The following WDR3 variants were observed in gnomAD, a reference collection of about 807,000 sequenced individuals.
The protein encoded by WDR3 is WD repeat domain 3.
In WDR3, 81 loss-of-function variants were observed where a neutral mutation model predicts 123.7. The ratio of observed to expected loss-of-function variants is 0.65; its 90% confidence interval spans 0.55 to 0.79. The LOEUF (loss-of-function observed/expected upper bound fraction) is 0.79, where lower values mean the gene tolerates loss of function less well. Among genes scored for constraint, WDR3 ranks in the 30% least tolerant of loss-of-function variants. WDR3 has a pLI of 0.00. For synonymous variants in WDR3, 390 were observed against 388.8 expected (o/e 1.00, Z -0.04); for missense variants, 1,027 against 1,123.2 (o/e 0.91, Z 1.22).
chr1:117,935,204 G>T (rs765193088), intron 3 of WDR3, among the ~76,000 whole-genome samples: 2 of 152,170 alleles, frequency 1.3e-5, no homozygotes, highest in Non-Finnish European at 2.9e-5. Flanking sequence ...GTATTGAAAA[G>T]ATGGTAGTGT....
At position 117,941,854 on chromosome 1, in the gene WDR3, T is replaced by G. The variant is rs1369332980; in HGVS notation, c.989+7T>G. 1 of 1,603,280 alleles carries G rather than the reference T, an allele frequency of 6.2e-7. No individual in the cohort carries two copies. The highest frequency in any genetic ancestry group is 8.5e-7 in the Non-Finnish European group (1 of 1,176,764). ...AAGCTAGAAAGAAAGCAAAGTATGT[T>G]TTCTTAATACTTACATTAATAATGA... On this transcript the variant is annotated splice_region_variant and intron_variant, in intron 9 of 26. Coordinates refer to ENST00000349139, the MANE Select transcript of WDR3 (RefSeq NM_006784.3).
In WDR3 at chr1:117,949,988, G is replaced by T. The variant is rs770451204; in HGVS notation, c.1611-7G>T. The T allele has an allele frequency of 6.2e-7, 1 of 1,613,490 alleles. No homozygotes were observed. Among genetic ancestry groups the T allele is most frequent in the Non-Finnish European group, 8.5e-7 (1 of 1,179,822 alleles). ...TTATTTTTTCTTGATGTTTTTTGTG[G>T]TGCTAGACTTTCTGTGAAGCAAACC... On this transcript the variant is annotated splice_region_variant and splice_polypyrimidine_tract_variant and intron_variant, in intron 14 of 26. Transcript: ENST00000349139.
Position 117,961,166 on chromosome 1 carries a change from C to T in WDR3, c.*1719C>T, listed in dbSNP as rs1476824567. On this transcript the variant is annotated 3_prime_UTR_variant, in exon 27 of 27. Transcript: ENST00000349139. The stretch of plus-strand genomic sequence containing the variant: ...GGCGTGGTGGCAGGCGCTTGTAATC[C>T]CAGCTACTCAGGAGGCTGAGACAGG... 1 of 152,146 alleles carries T rather than the reference C, an allele frequency of 6.6e-6. No individual in the cohort carries two copies. Among genetic ancestry groups the T allele is most frequent in the African/African-American group, 2.4e-5 (1 of 41,410 alleles). 9.4% of individuals were successfully genotyped at this position (152,146 alleles called of 1,614,324 possible). A position where few individuals can be genotyped will look rare whatever the true frequency, so the allele number is the denominator to read the frequency against.
At chr1:117,940,771 A>G in intron 6 of WDR3, 56 bp from the exon 7 acceptor site, 3 of 1,436,274 alleles carry the variant, frequency 2.1e-6, no homozygotes, top group Non-Finnish European at 2.9e-6. Context: ...AACAACAACA[A>G]CATGCCTCCT....
chr1:117,950,831 T>A lies in WDR3; in HGVS notation c.1747-3T>A. The A allele has an allele frequency of 6.2e-7, 1 of 1,606,870 alleles. No homozygotes were observed. Among genetic ancestry groups the A allele is most frequent in the Middle Eastern group, 1.7e-4 (1 of 5,804 alleles). ...ACATTAATTATGTTTTTTTGATGTT[T>A]AGTTTTTTCTGTCACTGTATGGACA... On this transcript the variant is annotated splice_polypyrimidine_tract_variant and splice_region_variant and intron_variant, in intron 15 of 26. Coordinates refer to ENST00000349139, the MANE Select transcript of WDR3 (RefSeq NM_006784.3).
At chr1:117,941,712 A>C in intron 8 of WDR3, 38 bp from the exon 9 acceptor site, 2 of 1,586,038 alleles carry the variant, frequency 1.3e-6, no homozygotes, top group Non-Finnish European at 1.7e-6. Context: ...ATTACAAATT[A>C]CCTCTCCTTG....
chr1:117,950,124 T>G lies in WDR3; in HGVS notation c.1740T>G (p.Thr580=). Reference sequence around the variant, plus strand: ...CTGTGAAAATTTTCTACGTTGATACTTTAAAGGTACAGTGGTTATGCCTGC... The same window carrying G: ...CTGTGAAAATTTTCTACGTTGATACGTTAAAGGTACAGTGGTTATGCCTGC... ...DCTVKIFYVD[T]LKFFLSLYGH... Residue 580 remains threonine, a synonymous_variant, in exon 15 of 27, where the codon ACT becomes ACG. Transcript: ENST00000349139. The G allele has an allele frequency of 6.2e-7, 1 of 1,613,860 alleles. No homozygotes were observed. Among genetic ancestry groups the G allele is most frequent in the South Asian group, 1.1e-5 (1 of 91,040 alleles).
rs564122463 is a variant in WDR3, at chr1:117,933,598, G to A, written c.171+108G>A. 2.0e-5 allele frequency: 29 copies of A among 1,452,146 alleles called. No individual in the cohort carries two copies. In the South Asian group the frequency reaches 3.3e-4, roughly 16 times the overall value. 90.0% of individuals were successfully genotyped at this position (1,452,146 alleles called of 1,614,324 possible). On this transcript the variant is annotated intron_variant, in intron 2 of 26. Coordinates refer to ENST00000349139, the MANE Select transcript of WDR3 (RefSeq NM_006784.3). ...ATTTATCATGAGTTTTTTTGTGTCT[G>A]TGCCCTTAGAAGAAAAATCTTTTTC...
chr1:117,948,905 T>C (rs1463944430), intron 13 of WDR3, among the ~76,000 whole-genome samples: 1 of 152,164 alleles, frequency 6.6e-6, no homozygotes, highest in Non-Finnish European at 1.5e-5. Flanking sequence ...TCAATAAATA[T>C]GTGCTCACCT....
Position 117,950,867 on chromosome 1 carries a change from G to A in WDR3, c.1780G>A (p.Val594Ile). 1 of 1,609,350 alleles carries A rather than the reference G, an allele frequency of 6.2e-7. No homozygotes were observed. Among genetic ancestry groups the A allele is most frequent in the Non-Finnish European group, 8.5e-7 (1 of 1,178,630 alleles). The change falls in exon 16 of 27, where the codon GTT becomes ATT. Residue 594 changes from valine to isoleucine, a missense_variant. Transcript: ENST00000349139. ...FLSLYGHKLP[V>I]ICMDISHDGA... is the part of the protein sequence containing the mutation. ...GTCACTGTATGGACACAAACTGCCT[G>A]TTATATGCATGGACATCTCTCATGT...
Position 117,934,574 on chromosome 1 carries a change from C to T in WDR3, c.273C>T (p.Ile91=). The T allele has an allele frequency of 6.2e-7, 1 of 1,614,174 alleles. No individual in the cohort carries two copies. Among genetic ancestry groups the T allele is most frequent in the Non-Finnish European group, 8.5e-7 (1 of 1,180,012 alleles). The change falls in exon 3 of 27, where the codon ATC becomes ATT. Residue 91 remains isoleucine, a synonymous_variant. Transcript: ENST00000349139. ...GGTATGAGGATGGGTCGATCCGAAT[C>T]TTCAGTCTCCTGAGTGGGGAAGGAA... ...AVGYEDGSIR[I]FSLLSGEGNV...
intron 1 of WDR3, among the ~76,000 whole-genome samples, chr1:117,930,561 G>A (rs1347946383): frequency 1.3e-5 from 2 of 152,158 alleles, no homozygotes; most frequent in Non-Finnish European, 2.9e-5. Context: ...CTTTAGGATA[G>A]GGAAAGCTCA....
intron 11 of WDR3, among the ~76,000 whole-genome samples, chr1:117,945,226 T>C (rs74114903): frequency 0.025 from 3,793 of 152,268 alleles, 155 homozygotes; most frequent in African/African-American, 0.084. Context: ...GTAATCTTTT[T>C]ATAGTGGAAG....
In WDR3 at chr1:117,954,283, C is replaced by T. The variant is rs142060110; in HGVS notation, c.2361+184C>T. On this transcript the variant is annotated intron_variant, in intron 22 of 26. Transcript: ENST00000349139. ...GAAGGGAACTTGGTCTTAATGAAAGCGAAGGAAAGGAAATTACAGATTGAG... is the reference window on the plus strand; with the variant it reads ...GAAGGGAACTTGGTCTTAATGAAAGTGAAGGAAAGGAAATTACAGATTGAG... Among the ~76,000 whole-genome samples, 447 of 151,956 alleles carry T rather than the reference C, an allele frequency of 2.9e-3. 1 individual carries two copies. Among genetic ancestry groups the T allele is most frequent in the African/African-American group, 9.5e-3 (393 of 41,498 alleles).
chr1:117,955,077 G>T, intron 23 of WDR3: 1 of 431,730 alleles, frequency 2.3e-6, no homozygotes, highest in Non-Finnish European at 4.1e-6. Context: ...TGTGAGTCAG[G>T]GTATCTTCAC....
rs1446314613 is a variant in WDR3 at position 117,964,622 on chromosome 1, TC to T, written c.*5177del. ...GACTTTCCCAGTGAGGACTTTCCTT[TC>T]CTATTTTATATTTTGCTCCATTGTA... On this transcript the variant is annotated 3_prime_UTR_variant, in exon 27 of 27. Coordinates refer to ENST00000349139, the MANE Select transcript of WDR3 (RefSeq NM_006784.3). 3.9e-5 allele frequency: 6 copies of T among 152,172 alleles called. No individual in the cohort carries two copies. The highest frequency in any genetic ancestry group is 1.4e-4 in the African/African-American group (6 of 41,442). The allele number at this position is 152,172 out of a possible 1,614,324, so 9.4% of individuals were successfully genotyped here.
Position 117,957,049 on chromosome 1 carries a change from T to C in WDR3, c.2454-19T>C, listed in dbSNP as rs1571038864. ...CGTTAACAAATGTGGCATTTTTATATTTATTTTTTCTTTTTCAGTGAGCTG... is the reference window on the plus strand; with the variant it reads ...CGTTAACAAATGTGGCATTTTTATACTTATTTTTTCTTTTTCAGTGAGCTG... On this transcript the variant is annotated intron_variant, in intron 24 of 26. Coordinates refer to ENST00000349139, the MANE Select transcript of WDR3 (RefSeq NM_006784.3). 6.5e-7 allele frequency: 1 copy of C among 1,545,068 alleles called. No individual in the cohort carries two copies. Among genetic ancestry groups the C allele is most frequent in the Middle Eastern group, 1.7e-4 (1 of 5,786 alleles).
At chr1:117,935,944 G>T (rs1473589578) in intron 3 of WDR3, among the ~76,000 whole-genome samples, 2 of 151,786 alleles carry the variant, frequency 1.3e-5, no homozygotes, top group South Asian at 4.1e-4. Context: ...GACACTCTAA[G>T]AATGATAGAC....
rs746073566 is a variant in WDR3, at chr1:117,934,572, A to G, written c.271A>G (p.Ile91Val). 1 of 1,614,178 alleles carries G rather than the reference A, an allele frequency of 6.2e-7. No homozygotes were observed. Among genetic ancestry groups the G allele is most frequent in the South Asian group, 1.1e-5 (1 of 91,082 alleles). The part of the protein sequence containing the change: ...AVGYEDGSIR[I>V]FSLLSGEGNV... ...TGGGTATGAGGATGGGTCGATCCGA[A>G]TCTTCAGTCTCCTGAGTGGGGAAGG... Residue 91 changes from isoleucine to valine, a missense_variant, in exon 3 of 27, where the codon ATC (isoleucine) becomes GTC (valine). Coordinates refer to ENST00000349139, the MANE Select transcript of WDR3 (RefSeq NM_006784.3).
Sources: allele counts gnomAD v4.1 joint callset (sites outside exome capture counted in the v4.1 genomes callset), GRCh38; gene constraint gnomAD v4.1.1; transcripts MANE v1.5; gene names NCBI Gene and HGNC (gene_info 2026-07-23, HGNC 2026-07-21).